Variants in KLC1 observed in about 807,000 individuals in gnomAD.
The protein encoded by KLC1 is kinesin 2 60/70kDa.
A neutral mutation model predicts 84.2 loss-of-function variants in KLC1; 30 were observed. That is an observed-to-expected ratio of 0.36 (90% CI 0.27 to 0.48). The LOEUF is 0.48. Ranked by LOEUF, KLC1 falls within the 20% of genes least tolerant of loss-of-function variation. The pLI is 0.99. For synonymous variants in KLC1, 289 were observed against 293.3 expected (o/e 0.99, Z 0.15); for missense variants, 499 against 805.4 (o/e 0.62, Z 4.60).
chr14:103,698,859 GAGGAGGGGGGC>G (rs2082814424), intron 15 of KLC1: 1 of 1,607,662 alleles, frequency 6.2e-7, no homozygotes, highest in Non-Finnish European at 8.5e-7. Flanking sequence ...GTAGGAACAG[GAGGAGGGGGGC>G]AGGTGGGGGG....
chr14:103,689,859 G>T (rs1205398467), intron 14 of KLC1, among the ~76,000 whole-genome samples: 1 of 152,196 alleles, frequency 6.6e-6, no homozygotes, highest in African/African-American at 2.4e-5. Context: ...AAGGGGGTTT[G>T]AGGGAAGGTT....
chr14:103,692,231 G>A, intron 14 of KLC1, 128 bp from the exon 15 acceptor site: 1 of 769,142 alleles, frequency 1.3e-6, no homozygotes, highest in Non-Finnish European at 2.1e-6. Context: ...ACCCAAGCAA[G>A]ATGAAGGCAA....
chr14:103,653,133 C>T (rs1308871840), intron 1 of KLC1, among the ~76,000 whole-genome samples: 1 of 151,944 alleles, frequency 6.6e-6, no homozygotes, highest in East Asian at 1.9e-4. Context: ...AAGTCCCTGC[C>T]TTTTTTCTTT....
At chr14:103,684,672 A>G (rs1327628261) in intron 13 of KLC1, 8 of 259,054 alleles carry the variant, frequency 3.1e-5, no homozygotes, top group African/African-American at 1.8e-4. Flanking sequence ...TCAGCTTGCT[A>G]CTCCAGCAGC....
At chr14:103,685,534 G>T (rs1341565742) in intron 13 of KLC1, 1 of 1,287,128 alleles carries the variant, frequency 7.8e-7, no homozygotes, top group Non-Finnish European at 1.0e-6. Context: ...AGGCTGCTGA[G>T]ACTTGTGACC....
In KLC1 at chr14:103,692,372, A is replaced by T; in HGVS notation, c.1795A>T (p.Ser599Cys). Residue 599 changes from serine (S) to cysteine (C), a missense_variant, in exon 15 of 17, where the codon AGC becomes TGC. By Grantham distance (112) the Ser-to-Cys change is moderately radical. This residue lies in a region of KLC1 where 167 missense variants were observed against 208.8 expected (regional missense o/e 0.80). Transcript: ENST00000334553. ...TCCGGGTTGCAGCATGAAGCGTGCC[A>T]GCTCTCTGAATGTCCTTAACGTGGG... ...EPKNPGMKRA[S>C]SLNVLNVGGK... The T allele has an allele frequency of 6.5e-7, 1 of 1,536,706 alleles. No homozygotes were observed. The highest frequency in any genetic ancestry group is 8.7e-7 in the Non-Finnish European group (1 of 1,147,040).
rs1412468971 is a variant in KLC1 at position 103,694,149 on chromosome 14, C to G, written c.1848+1724C>G. The G allele has an allele frequency of 1.0e-6, 1 of 985,910 alleles. No individual in the cohort carries two copies. Among genetic ancestry groups the G allele is most frequent in the Non-Finnish European group, 1.2e-6 (1 of 830,294 alleles). The allele number at this position is 985,910 out of a possible 1,614,324, so 61.1% of individuals were successfully genotyped here. A position where few individuals can be genotyped will look rare whatever the true frequency, so the allele number is the denominator to read the frequency against. On this transcript the variant is annotated intron_variant, in intron 15 of 16. Transcript: ENST00000334553. This position sits in a 1 kb window ranked among gnomAD's most constrained non-coding sequence, Gnocchi z 4.5. Reference sequence around the variant, plus strand: ...TGGAGCATCTTCCGGGTCTCTCTTTCCAAGGTCCCCATGCCTGTGGCCCTG... The same window carrying G: ...TGGAGCATCTTCCGGGTCTCTCTTTGCAAGGTCCCCATGCCTGTGGCCCTG...
chr14:103,677,449 G>A lies in KLC1; in HGVS notation c.1414G>A (p.Ala472Thr). Residue 472 changes from alanine to threonine, a missense_variant, in exon 12 of 17, where the codon GCA (alanine) becomes ACA (threonine). Physicochemically the swap from Ala to Thr is moderately conservative, Grantham distance 58. Coordinates refer to ENST00000334553, the MANE Select transcript of KLC1 (RefSeq NM_001394837.1). ...TACAACCACTCTAAAAAACCTTGGG[G>A]CACTTTACAGACGTCAAGGCAAATT... Reference protein sequence around the residue: ...TVTTTLKNLGALYRRQGKFEA... With the variant: ...TVTTTLKNLGTLYRRQGKFEA... The A allele has an allele frequency of 3.1e-6, 5 of 1,613,872 alleles. No homozygotes were observed. Among genetic ancestry groups the A allele is most frequent in the Non-Finnish European group, 4.2e-6 (5 of 1,179,816 alleles).
intron 2 of KLC1, 54 bp downstream of exon 2, chr14:103,654,879 G>A: frequency 6.4e-7 from 1 of 1,555,710 alleles, no homozygotes; most frequent in Non-Finnish European, 8.7e-7. Flanking sequence ...GTAAAATGGA[G>A]ACTTGTTTGA....
rs918659320 is a variant in KLC1 at position 103,665,378 on chromosome 14, TTTTC to T, written c.797+2461_797+2464del. ...TGGCCAGGATGGATTGATTGATTTC[TTTTC>T]TTTCTTTCTGTCTGTCTGTCTGTCT... is the stretch of plus-strand genomic sequence containing the variant. On this transcript the variant is annotated intron_variant, in intron 5 of 16. Transcript: ENST00000334553. Among the ~76,000 whole-genome samples, 18 of 151,924 alleles carry T rather than the reference TTTTC, an allele frequency of 1.2e-4. No individual in the cohort carries two copies. In the East Asian group the frequency reaches 3.1e-3, roughly 26 times the overall value.
chr14:103,679,102 ATGACCCAGCAGT>A (rs2081153806), intron 12 of KLC1, among the ~76,000 whole-genome samples: 1 of 152,174 alleles, frequency 6.6e-6, no homozygotes, highest in Admixed American at 6.5e-5. Flanking sequence ...AGAAAACCAC[ATGACCCAGCAGT>A]TGCAGTCCTA....
intron 15 of KLC1, chr14:103,695,327 A>ATATG (rs1274805621): frequency 3.5e-4 from 165 of 470,906 alleles, no homozygotes; most frequent in Non-Finnish European, 4.0e-4. Flanking sequence ...ATATATATAT[A>ATATG]TGTGTGTGTG....
intron 5 of KLC1, among the ~76,000 whole-genome samples, chr14:103,667,991 C>T (rs1239827558): frequency 6.6e-6 from 1 of 152,210 alleles, no homozygotes; most frequent in African/African-American, 2.4e-5. Flanking sequence ...CCATACTCAA[C>T]AAAATGGAGG....
At chr14:103,635,025 A>G (rs761569935) in intron 1 of KLC1, among the ~76,000 whole-genome samples, 13 of 151,692 alleles carry the variant, frequency 8.6e-5, no homozygotes, top group Admixed American at 2.0e-4. Context: ...ATGAATTATG[A>G]TTTTTTTTTA....
intron 1 of KLC1, among the ~76,000 whole-genome samples, chr14:103,636,525 T>G (rs1220338954): frequency 6.6e-6 from 1 of 152,006 alleles, no homozygotes; most frequent in Non-Finnish European, 1.5e-5. Flanking sequence ...TGGCCTTGCC[T>G]GTCTTTTTCA....
intron 7 of KLC1, among the ~76,000 whole-genome samples, chr14:103,670,731 T>C (rs1377645436): frequency 2.0e-5 from 3 of 152,066 alleles, no homozygotes; most frequent in African/African-American, 4.8e-5. Context: ...ACAACTCATT[T>C]AATTAGAGAA....
At chr14:103,650,857 G>A (rs1372258319) in intron 1 of KLC1, among the ~76,000 whole-genome samples, 2 of 152,054 alleles carry the variant, frequency 1.3e-5, no homozygotes, top group East Asian at 1.9e-4. Flanking sequence ...GGGATTACAG[G>A]CGTGAACCAC....
At chr14:103,668,840 C>T (rs367619551) in intron 5 of KLC1, among the ~76,000 whole-genome samples, 3 of 151,498 alleles carry the variant, frequency 2.0e-5, no homozygotes, top group African/African-American at 7.3e-5. Context: ...TGCAGTGGCA[C>T]GATCTCTGCT....
intron 5 of KLC1, among the ~76,000 whole-genome samples, chr14:103,664,794 C>T (rs937224179): frequency 7.0e-6 from 1 of 143,504 alleles, no homozygotes; most frequent in African/African-American, 2.6e-5. Context: ...GGATTACAGG[C>T]GTGAACCACT....
Sources: allele counts gnomAD v4.1 joint callset (sites outside exome capture counted in the v4.1 genomes callset), GRCh38; gene constraint gnomAD v4.1.1; regional missense constraint gnomAD v4.1.1; non-coding constraint Gnocchi (gnomAD v3.1); transcripts MANE v1.5; gene names NCBI Gene and HGNC (gene_info 2026-07-23, HGNC 2026-07-21).